The following GPS1 variants were observed in gnomAD, a reference collection of about 807,000 sequenced individuals.
The protein encoded by GPS1 is COP9 signalosome complex subunit 1.
A neutral mutation model predicts 60.0 loss-of-function variants in GPS1; 11 were observed. The observed-to-expected ratio is 0.18, with a 90% CI of 0.12 to 0.30. GPS1 has a LOEUF of 0.30. GPS1 is among the 10% of genes least tolerant of loss of function. The probability of loss-of-function intolerance (pLI) is 1.00; values close to 1 mark genes in which losing one functional copy is unlikely to be tolerated. For missense variants in GPS1, 543 were observed against 669.2 expected (o/e 0.81, Z 2.08); for synonymous variants, 343 against 269.8 (o/e 1.27, Z -2.66).
At chr17:82,053,000 C>T (rs528502033) in intron 1 of GPS1, 12 of 302,944 alleles carry the variant, frequency 4.0e-5, no homozygotes, top group African/African-American at 2.0e-4. Flanking sequence ...TGCTTTCTGG[C>T]TTTCAGAGAT....
At chr17:82,051,291 C>T (rs2030524714), upstream of GPS1, 1 of 1,400,534 alleles carries the variant, frequency 7.1e-7, no homozygotes, top group Non-Finnish European at 9.3e-7. This position sits in a 1 kb window ranked among gnomAD's most constrained non-coding sequence, Gnocchi z 4.1. Context: ...GGGGGACACT[C>T]ACCGCCCTGG....
upstream of GPS1, chr17:82,051,400 C>G (rs867394022): frequency 8.5e-6 from 12 of 1,409,852 alleles, 1 homozygote; most frequent in Middle Eastern, 2.3e-3. This position sits in a 1 kb window ranked among gnomAD's most constrained non-coding sequence, Gnocchi z 4.1. Flanking sequence ...GAGACCGACC[C>G]GCCCCGCGCG....
In GPS1 at chr17:82,057,103, G is replaced by A; in HGVS notation, c.1440G>A (p.Gln480=). The A allele has an allele frequency of 3.8e-6, 6 of 1,574,850 alleles. No homozygotes were observed. The highest frequency in any genetic ancestry group is 4.3e-6 in the Non-Finnish European group (5 of 1,158,414). The change falls in exon 13 of 13, where the codon CAG becomes CAA. Residue 480 remains glutamine, a synonymous_variant. Transcript: ENST00000578552. ...GGGAGCTGACTCCAGCCAACAGCCAGTCCCGGATGAGCACCAACATGTGAG... is the reference window on the plus strand; with the variant it reads ...GGGAGCTGACTCCAGCCAACAGCCAATCCCGGATGAGCACCAACATGTGAG... The part of the protein sequence containing the change: ...SQGELTPANS[Q]SRMSTNM
At chr17:82,051,310 C>T (rs772019437), upstream of GPS1, 28 of 1,436,032 alleles carry the variant, frequency 1.9e-5, no homozygotes, top group Admixed American at 4.3e-4. The surrounding 1 kb of genome is among the most constrained non-coding windows in gnomAD (Gnocchi z 4.1). Context: ...GGAGCTCGAG[C>T]TCAGGGTCGT....
intron 1 of GPS1, chr17:82,052,514 C>A (rs956062132): frequency 9.8e-5 from 154 of 1,577,316 alleles, no homozygotes; most frequent in Non-Finnish European, 1.2e-4. Context: ...GGGCCCCGGC[C>A]GCCCCTGCTG....
At chr17:82,051,350 A>G (rs1462504825), upstream of GPS1, 1 of 1,466,982 alleles carries the variant, frequency 6.8e-7, no homozygotes, top group Non-Finnish European at 8.9e-7. The surrounding 1 kb of genome is among the most constrained non-coding windows in gnomAD (Gnocchi z 4.1). Context: ...CGTCTGGGGG[A>G]GAAACAATCT....
intron 2 of GPS1, 144 bp from the exon 3 acceptor site, chr17:82,053,724 C>T (rs1469627320): frequency 2.3e-5 from 18 of 791,934 alleles, no homozygotes; most frequent in Non-Finnish European, 3.9e-6. Context: ...AGCAGTCAGT[C>T]TCGTACCCCC....
chr17:82,052,090 T>C, intron 1 of GPS1, 126 bp downstream of exon 1: 1 of 853,668 alleles, frequency 1.2e-6, no homozygotes, highest in Non-Finnish European at 1.5e-6. Flanking sequence ...GTGCCGGGCC[T>C]CCGCGGGCAG....
In GPS1 at chr17:82,052,153, T is replaced by G. The variant is rs1598477995; in HGVS notation, c.33+189T>G. On this transcript the variant is annotated intron_variant, in intron 1 of 12. Transcript: ENST00000578552. ...GCGCGTCTCCGCCGTGGCTGCGCGC[T>G]GCGATCGGGGGCCGCCGGGCCGCGC... 30 of 1,092,936 alleles carry G rather than the reference T, an allele frequency of 2.7e-5. No individual in the cohort carries two copies. In the East Asian group the frequency reaches 1.1e-3, roughly 39 times the overall value. 67.7% of individuals were successfully genotyped at this position (1,092,936 alleles called of 1,614,324 possible).
At chr17:82,053,180 T>C (rs1385183631) in intron 1 of GPS1, 94 bp from the exon 2 acceptor site, 1 of 1,003,972 alleles carries the variant, frequency 1.0e-6, no homozygotes, top group Non-Finnish European at 1.4e-6. Context: ...CTGGAAGATC[T>C]TGGGCAGAGC....
At position 82,056,848 on chromosome 17, in the gene GPS1, C is replaced by T. The variant is rs557901187; in HGVS notation, c.1263C>T (p.Tyr421=). 100 of 1,612,580 alleles carry T rather than the reference C, an allele frequency of 6.2e-5. No homozygotes were observed. The South Asian group carries it at 9.6e-4, about 15-fold the overall frequency. ...ARVDSHSKIL[Y]ARDVDQRSTT... Reference sequence around the variant, plus strand: ...AGCTTGTGCCTGCACAGATCCTATACGCCCGGGACGTGGATCAGCGCAGCA... The same window carrying T: ...AGCTTGTGCCTGCACAGATCCTATATGCCCGGGACGTGGATCAGCGCAGCA... Residue 421 remains tyrosine, a synonymous_variant, in exon 12 of 13, where the codon TAC becomes TAT. Transcript: ENST00000578552.
At position 82,056,953 on chromosome 17, in the gene GPS1, C is replaced by A; in HGVS notation, c.1368C>A (p.Leu456=). Residue 456 remains leucine (L), a synonymous_variant, in exon 12 of 13, where the codon CTC becomes CTA. Coordinates refer to ENST00000578552, the MANE Select transcript of GPS1 (RefSeq NM_001321092.3). Reference sequence around the variant, plus strand: ...CCATGATGCTGCGGGCAGCTGTGCTCCGCAACCAGATCCATGTCAAGGTGG... The same window carrying A: ...CCATGATGCTGCGGGCAGCTGTGCTACGCAACCAGATCCATGTCAAGGTGG... ...AKAMMLRAAV[L]RNQIHVKSPP... is the part of the protein sequence containing the mutation. 6.2e-7 allele frequency: 1 copy of A among 1,612,858 alleles called. No individual in the cohort carries two copies. The highest frequency in any genetic ancestry group is 8.5e-7 in the Non-Finnish European group (1 of 1,179,924).
In GPS1 at chr17:82,053,263, C is replaced by T; in HGVS notation, c.34-11C>T. The T allele has an allele frequency of 6.5e-7, 1 of 1,530,886 alleles. No individual in the cohort carries two copies. Among genetic ancestry groups the T allele is most frequent in the Non-Finnish European group, 8.7e-7 (1 of 1,148,310 alleles). 94.8% of individuals were successfully genotyped at this position (1,530,886 alleles called of 1,614,324 possible). A position where few individuals can be genotyped will look rare whatever the true frequency, so the allele number is the denominator to read the frequency against. On this transcript the variant is annotated splice_polypyrimidine_tract_variant and intron_variant, in intron 1 of 12. Coordinates refer to ENST00000578552, the MANE Select transcript of GPS1 (RefSeq NM_001321092.3). ...CAGGACGAGGTGCCAGGTGCCTGGC[C>T]CATGTTGCAGGGGGCCGTGGAGCCC...
intron 12 of GPS1, 29 bp from the exon 13 acceptor site, chr17:82,057,024 C>G: frequency 1.2e-6 from 2 of 1,609,758 alleles, no homozygotes; most frequent in Non-Finnish European, 1.7e-6. Flanking sequence ...GGCCTGGTGG[C>G]TGTGAGCTGC....
In GPS1 at chr17:82,051,952, G is replaced by A; in HGVS notation, c.21G>A (p.Val7=). The A allele has an allele frequency of 1.7e-6, 2 of 1,166,276 alleles. No homozygotes were observed. Among genetic ancestry groups the A allele is most frequent in the Non-Finnish European group, 2.1e-6 (2 of 944,696 alleles). 72.2% of individuals were successfully genotyped at this position (1,166,276 alleles called of 1,614,324 possible). Residue 7 remains valine (V), a synonymous_variant, in exon 1 of 13, where the codon GTG becomes GTA. Transcript: ENST00000578552. This position sits in a 1 kb window ranked among gnomAD's most constrained non-coding sequence, Gnocchi z 4.1. MPLPVQ[V]FNLQGAVEPM... is the part of the protein sequence containing the mutation. Reference sequence around the variant, plus strand: ...GCAAGATGCCGCTGCCGGTTCAGGTGTTTAACTTGCAGGTAACGAGCCGAG... The same window carrying A: ...GCAAGATGCCGCTGCCGGTTCAGGTATTTAACTTGCAGGTAACGAGCCGAG...
At position 82,057,421 on chromosome 17, in the gene GPS1, G is replaced by T; in HGVS notation, c.*294G>T. On this transcript the variant is annotated 3_prime_UTR_variant, in exon 13 of 13. Coordinates refer to ENST00000578552, the MANE Select transcript of GPS1 (RefSeq NM_001321092.3). ...CCAGACCCCTCCTGTTCCCGCCTCA[G>T]TCAGGTGCAGACAAGTGGGCGGTGT... 1.6e-6 allele frequency: 1 copy of T among 612,220 alleles called. No homozygotes were observed. The highest frequency in any genetic ancestry group is 3.1e-6 in the Non-Finnish European group (1 of 325,742). 37.9% of individuals were successfully genotyped at this position (612,220 alleles called of 1,614,324 possible).
At chr17:82,052,112 G>T in intron 1 of GPS1, 148 bp downstream of exon 1, 1 of 826,242 alleles carries the variant, frequency 1.2e-6, no homozygotes, top group Non-Finnish European at 1.5e-6. Flanking sequence ...GCGCGTCGGG[G>T]GCTGCAGGGC....
chr17:82,051,307 G>C (rs376651594), upstream of GPS1: 12 of 1,427,428 alleles, frequency 8.4e-6, no homozygotes, highest in Middle Eastern at 1.9e-4. The surrounding 1 kb of genome is among the most constrained non-coding windows in gnomAD (Gnocchi z 4.1). Flanking sequence ...CCTGGAGCTC[G>C]AGCTCAGGGT....
chr17:82,052,543 T>TC, intron 1 of GPS1: 1 of 1,483,388 alleles, frequency 6.7e-7, no homozygotes, highest in Non-Finnish European at 9.1e-7. Context: ...CCCCTGCTGC[T>TC]CTGCTGGCCG....
Sources: gnomAD v4.1 joint callset for allele counts on GRCh38, gnomAD v4.1.1 for gene constraint, Gnocchi (gnomAD v3.1) non-coding constraint, MANE v1.5 for transcripts, NCBI Gene and HGNC (gene_info 2026-07-23, HGNC 2026-07-21) for gene names.